The following TRHR variants were observed in gnomAD, a reference collection of about 807,000 sequenced individuals.
The protein encoded by TRHR is thyrotropin-releasing hormone receptor.
Under a neutral mutation model 28.0 loss-of-function variants are expected in TRHR, and 14 were observed. The observed-to-expected ratio is 0.50, with a 90% CI of 0.33 to 0.78. TRHR has a LOEUF of 0.78. Among genes scored for constraint, TRHR ranks in the 30% least tolerant of loss-of-function variants. The pLI is 0.02. For synonymous variants in TRHR, 176 were observed against 171.9 expected, an observed-to-expected ratio of 1.02 and a Z score of -0.18; for missense variants, 438 against 469.5, an observed-to-expected ratio of 0.93 and a Z score of 0.62.
chr8:109,105,722 G>A (rs762544765), intron 2 of TRHR, among the ~76,000 whole-genome samples: 7 of 152,120 alleles, frequency 4.6e-5, no homozygotes, highest in Non-Finnish European at 1.0e-4. Flanking sequence ...CATTTTCAGA[G>A]CATGTTGTTG....
intron 2 of TRHR, among the ~76,000 whole-genome samples, chr8:109,096,874 G>A (rs984055624): frequency 3.3e-5 from 5 of 151,794 alleles, no homozygotes; most frequent in African/African-American, 4.8e-5. Flanking sequence ...TTAGGGTCTC[G>A]GTCAAGTCCA....
rs180852829 is a variant in TRHR, at chr8:109,119,534, T to C, written c.*79T>C. ...TCAACAAAAGGGAGAACATGGCCAATAGTCATATGTGAAGACAGAGCAGAT... is the reference window on the plus strand; with the variant it reads ...TCAACAAAAGGGAGAACATGGCCAACAGTCATATGTGAAGACAGAGCAGAT... On this transcript the variant is annotated 3_prime_UTR_variant, in exon 3 of 3. Transcript: ENST00000518632. The C allele has an allele frequency of 7.9e-6, 12 of 1,512,624 alleles. No homozygotes were observed. The highest frequency in any genetic ancestry group is 1.1e-5 in the South Asian group (1 of 87,622). The allele number at this position is 1,512,624 out of a possible 1,614,324, so 93.7% of individuals were successfully genotyped here.
chr8:109,093,589 A>C (rs1244488813), intron 2 of TRHR, among the ~76,000 whole-genome samples: 1 of 150,984 alleles, frequency 6.6e-6, no homozygotes, highest in Non-Finnish European at 1.5e-5. Flanking sequence ...TTTTTTTAGG[A>C]GAGACGGGGT....
intron 2 of TRHR, among the ~76,000 whole-genome samples, chr8:109,103,707 T>C (rs1327271754): frequency 6.6e-6 from 1 of 152,146 alleles, no homozygotes; most frequent in Admixed American, 6.6e-5. Flanking sequence ...TTGAGGCAGG[T>C]GGAAAACTGC....
chr8:109,112,412 G>A (rs1811848044), intron 2 of TRHR, among the ~76,000 whole-genome samples: 1 of 152,192 alleles, frequency 6.6e-6, no homozygotes, highest in African/African-American at 2.4e-5. Flanking sequence ...CAGATACTAT[G>A]TAACCAGAAC....
chr8:109,115,530 C>T (rs1250521981), intron 2 of TRHR, among the ~76,000 whole-genome samples: 1 of 152,092 alleles, frequency 6.6e-6, no homozygotes, highest in Non-Finnish European at 1.5e-5. Context: ...CTTCACATCC[C>T]TTGTAAGTTG....
chr8:109,113,284 G>A (rs1329215076), intron 2 of TRHR, among the ~76,000 whole-genome samples: 3 of 152,096 alleles, frequency 2.0e-5, no homozygotes, highest in Non-Finnish European at 2.9e-5. Context: ...AGGTTCAAGA[G>A]AGAATGGTTG....
intron 2 of TRHR, among the ~76,000 whole-genome samples, chr8:109,109,767 GTCCCATCACTTTTCCCACTC>G (rs1403271157): frequency 6.6e-6 from 1 of 152,108 alleles, no homozygotes; most frequent in Non-Finnish European, 1.5e-5. Flanking sequence ...ACAGCTCAAA[GTCCCATCACTTTTCCCACTC>G]TTCATGTATG....
chr8:109,115,095 C>G (rs913912037), intron 2 of TRHR, among the ~76,000 whole-genome samples: 2 of 152,100 alleles, frequency 1.3e-5, no homozygotes, highest in Non-Finnish European at 2.9e-5. Flanking sequence ...TCACCATACA[C>G]CCTATACGCT....
intron 2 of TRHR, among the ~76,000 whole-genome samples, chr8:109,098,034 C>T (rs940997816): frequency 6.6e-6 from 1 of 152,166 alleles, no homozygotes; most frequent in Admixed American, 6.5e-5. Flanking sequence ...ACCGCAGTTC[C>T]AGTTCCACTG....
rs768293670 is a variant in TRHR at position 109,119,247 on chromosome 8, C to A, written c.989C>A (p.Ala330Asp). The change falls in exon 3 of 3, where the codon GCC becomes GAC. Residue 330 changes from alanine (A) to aspartate (D), a missense_variant. By Grantham distance (126) the Ala-to-Asp change is moderately radical. Transcript: ENST00000518632. ...CTCATGTCCCAGAAATTCCGTGCAG[C>A]CTTCAGAAAGCTCTGCAACTGCAAG... ...YNLMSQKFRAAFRKLCNCKQK... is the reference protein window; with the variant it reads ...YNLMSQKFRADFRKLCNCKQK... The A allele has an allele frequency of 1.2e-6, 2 of 1,612,842 alleles. No individual in the cohort carries two copies. Among genetic ancestry groups the A allele is most frequent in the East Asian group, 4.5e-5 (2 of 44,798 alleles).
intron 2 of TRHR, among the ~76,000 whole-genome samples, chr8:109,094,005 T>C (rs1811551990): frequency 6.6e-6 from 1 of 152,144 alleles, no homozygotes; most frequent in Non-Finnish European, 1.5e-5. Flanking sequence ...TGTTGGAATG[T>C]CAGGCAGTAG....
At chr8:109,094,894 C>T (rs1763204026) in intron 2 of TRHR, among the ~76,000 whole-genome samples, 1 of 151,892 alleles carries the variant, frequency 6.6e-6, no homozygotes, top group African/African-American at 2.4e-5. Flanking sequence ...TGACAAACTA[C>T]TTTATACTTC....
At position 109,087,596 on chromosome 8, in the gene TRHR, C is replaced by A. The variant is rs1266098530; in HGVS notation, c.84C>A (p.Thr28=). Reference sequence around the variant, plus strand: ...TGGCCTTAGAATACCAGGTGGTCACCATCTTACTTGTACTCATTATTTGTG... The same window carrying A: ...TGGCCTTAGAATACCAGGTGGTCACAATCTTACTTGTACTCATTATTTGTG... The part of the protein sequence containing the change: ...AVVALEYQVV[T]ILLVLIICGL... Residue 28 remains threonine (T), a synonymous_variant, in exon 2 of 3, where the codon ACC becomes ACA. Transcript: ENST00000518632. The A allele has an allele frequency of 1.9e-6, 3 of 1,614,152 alleles. No individual in the cohort carries two copies. The highest frequency in any genetic ancestry group is 1.1e-5 in the South Asian group (1 of 91,086).
intron 2 of TRHR, among the ~76,000 whole-genome samples, chr8:109,111,400 A>G (rs1811828635): frequency 6.6e-6 from 1 of 152,310 alleles, no homozygotes; most frequent in South Asian, 2.1e-4. Context: ...ATTCCCAGTT[A>G]CAGGACACTT....
At chr8:109,098,595 C>T (rs558427027) in intron 2 of TRHR, among the ~76,000 whole-genome samples, 2 of 152,254 alleles carry the variant, frequency 1.3e-5, no homozygotes, top group East Asian at 1.9e-4. Context: ...TCTTGCCATA[C>T]TAGGACATTT....
intron 2 of TRHR, among the ~76,000 whole-genome samples, chr8:109,093,454 G>A (rs2129877300): frequency 7.9e-6 from 1 of 125,858 alleles, no homozygotes; most frequent in Admixed American, 1.1e-4. Context: ...TCACCAGGCT[G>A]GAGTGCAGTG....
intron 2 of TRHR, among the ~76,000 whole-genome samples, chr8:109,102,266 T>C (rs995551402): frequency 6.6e-6 from 1 of 152,172 alleles, no homozygotes; most frequent in African/African-American, 2.4e-5. Flanking sequence ...AGAAGAAATC[T>C]ATGTCTGTTT....
At chr8:109,100,397 T>G (rs1811660069) in intron 2 of TRHR, among the ~76,000 whole-genome samples, 1 of 152,062 alleles carries the variant, frequency 6.6e-6, no homozygotes, top group Non-Finnish European at 1.5e-5. Flanking sequence ...ATAAAACAAC[T>G]GCAGTGCACA....
Sources: gnomAD v4.1 joint callset for allele counts (sites outside exome capture counted in the v4.1 genomes callset) on GRCh38, gnomAD v4.1.1 for gene constraint, MANE v1.5 for transcripts, NCBI Gene and HGNC (gene_info 2026-07-23, HGNC 2026-07-21) for gene names.